DLC1: variants seen among roughly 807,000 people sequenced by gnomAD.
DLC1 encodes the protein rho GTPase-activating protein 7.
Under a neutral mutation model 140.3 loss-of-function variants are expected in DLC1, and 54 were observed. That is an observed-to-expected ratio of 0.38 (90% CI 0.31 to 0.48). The LOEUF (loss-of-function observed/expected upper bound fraction) is 0.48, where lower values mean the gene tolerates loss of function less well. Among genes scored for constraint, DLC1 ranks in the 20% least tolerant of loss-of-function variants. The pLI is 0.96. For synonymous variants in DLC1, 986 were observed against 728.1 expected, an observed-to-expected ratio of 1.35 and a Z score of -5.70; for missense variants, 2,536 against 1,907.0, an observed-to-expected ratio of 1.33 and a Z score of -6.14.
chr8:13,218,603 A>C (rs1001336620), intron 5 of DLC1, among the ~76,000 whole-genome samples: 1 of 151,808 alleles, frequency 6.6e-6, no homozygotes, highest in East Asian at 1.9e-4. Context: ...GACAGCTATC[A>C]TAATTTGAGA....
intron 2 of DLC1, among the ~76,000 whole-genome samples, chr8:13,447,813 A>T (rs1798851301): frequency 6.6e-6 from 1 of 151,978 alleles, no homozygotes; most frequent in Non-Finnish European, 1.5e-5. Context: ...TTCCTACCAG[A>T]TTAGCTAAAT....
At chr8:13,437,909 C>T (rs969041214) in intron 2 of DLC1, among the ~76,000 whole-genome samples, 2 of 151,452 alleles carry the variant, frequency 1.3e-5, no homozygotes, top group Non-Finnish European at 2.9e-5. Context: ...ACTAATGGGT[C>T]CCTGATTTGA....
chr8:13,162,401 C>T (rs1390730089), intron 5 of DLC1, among the ~76,000 whole-genome samples: 10 of 152,144 alleles, frequency 6.6e-5, no homozygotes, highest in East Asian at 1.9e-4. Context: ...CAACTCACTG[C>T]GTCCTCCGCC....
intron 5 of DLC1, among the ~76,000 whole-genome samples, chr8:13,142,989 G>C (rs1486294969): frequency 6.7e-6 from 1 of 150,090 alleles, no homozygotes; most frequent in African/African-American, 2.5e-5. Context: ...GTTGCGGTGA[G>C]CCAAGATTGT....
intron 2 of DLC1, among the ~76,000 whole-genome samples, chr8:13,451,728 A>T (rs561215652): frequency 1.3e-5 from 2 of 152,274 alleles, no homozygotes; most frequent in East Asian, 1.9e-4. Context: ...ATAGTACTCC[A>T]TTGTGTATAT....
intron 1 of DLC1, among the ~76,000 whole-genome samples, chr8:13,533,643 C>T (rs531702861): frequency 1.3e-5 from 2 of 152,142 alleles, no homozygotes; most frequent in Non-Finnish European, 2.9e-5. Context: ...TCATTTATTT[C>T]CAAACAAGAT....
intron 5 of DLC1, among the ~76,000 whole-genome samples, chr8:13,287,401 A>G (rs1831569938): frequency 1.3e-5 from 2 of 152,090 alleles, no homozygotes; most frequent in Non-Finnish European, 2.9e-5. Context: ...CTAATACTTT[A>G]TTTTCATTAT....
chr8:13,384,189 C>T (rs1270868223), intron 4 of DLC1, among the ~76,000 whole-genome samples: 8 of 152,180 alleles, frequency 5.3e-5, no homozygotes, highest in Non-Finnish European at 1.2e-4. Context: ...CTACAGATTG[C>T]ATATTTTCAT....
intron 5 of DLC1, among the ~76,000 whole-genome samples, chr8:13,155,362 A>T (rs1259519858): frequency 8.3e-6 from 1 of 120,338 alleles, no homozygotes; most frequent in East Asian, 2.8e-4. Flanking sequence ...CAAAAAGCAA[A>T]TGAAAAATAA....
chr8:13,090,473 G>T lies in DLC1; in HGVS notation c.3856-3C>A. 6.2e-7 allele frequency: 1 copy of T among 1,613,638 alleles called. No individual in the cohort carries two copies. The highest frequency in any genetic ancestry group is 8.5e-7 in the Non-Finnish European group (1 of 1,180,002). On this transcript the variant is annotated splice_region_variant and splice_polypyrimidine_tract_variant and intron_variant, in intron 14 of 17. Coordinates refer to ENST00000276297, the MANE Select transcript of DLC1 (RefSeq NM_182643.3). The stretch of plus-strand genomic sequence containing the variant: ...CATCGGCTCATTTCCTCGGGAACCT[G>T]TGCGGAACATGACAGACAGAAAGGA...
At chr8:13,269,549 C>T (rs1169556667) in intron 5 of DLC1, among the ~76,000 whole-genome samples, 3 of 151,722 alleles carry the variant, frequency 2.0e-5, no homozygotes, top group Non-Finnish European at 4.4e-5. Context: ...GACCCTACCT[C>T]TACAAAAATC....
intron 2 of DLC1, among the ~76,000 whole-genome samples, chr8:13,404,685 G>T (rs1386887413): frequency 6.6e-6 from 1 of 152,034 alleles, no homozygotes; most frequent in African/African-American, 2.4e-5. Flanking sequence ...ATTTTAGTAT[G>T]AATTGTAGAT....
At position 13,188,239 on chromosome 8, in the gene DLC1, GC is replaced by G. The variant is rs1826501116; in HGVS notation, c.1349-72583del. Among the ~76,000 whole-genome samples, 2 of 151,438 alleles carry G rather than the reference GC, an allele frequency of 1.3e-5. 1 individual carries two copies. Among genetic ancestry groups the G allele is most frequent in the South Asian group, 4.2e-4 (2 of 4,776 alleles). ...TGGGGTTACAGGTGCCGGCCACCATGCCCAGCTAATTTTTGTATTGTTAGTA... is the reference window on the plus strand; with the variant it reads ...TGGGGTTACAGGTGCCGGCCACCATGCCAGCTAATTTTTGTATTGTTAGTA... On this transcript the variant is annotated intron_variant, in intron 5 of 17. Transcript: ENST00000276297.
At position 13,100,092 on chromosome 8, in the gene DLC1, T is replaced by G; in HGVS notation, c.2245A>C (p.Thr749Pro). The G allele has an allele frequency of 6.2e-7, 1 of 1,613,812 alleles. No individual in the cohort carries two copies. Among genetic ancestry groups the G allele is most frequent in the Non-Finnish European group, 8.5e-7 (1 of 1,180,038 alleles). The stretch of plus-strand genomic sequence containing the variant: ...CTGGGCGTGCTGACCGCGCTGCTGG[T>G]CTCCGACTGGCTGCTGCTGCTGCTG... ...QTSSSSSQSETSSAVSTPSPV... is the reference protein window; with the variant it reads ...QTSSSSSQSEPSSAVSTPSPV... Residue 749 changes from threonine to proline, a missense_variant, in exon 9 of 18, where the codon ACC (threonine) becomes CCC (proline). Transcript: ENST00000276297.
intron 1 of DLC1, among the ~76,000 whole-genome samples, chr8:13,538,873 T>C (rs569079408): frequency 6.6e-6 from 1 of 152,320 alleles, no homozygotes; most frequent in African/African-American, 2.4e-5. Context: ...GTTCGGCAGA[T>C]AGTAATGTCG....
chr8:13,593,875 T>C (rs1043613549), intron 1 of DLC1, among the ~76,000 whole-genome samples: 4 of 152,074 alleles, frequency 2.6e-5, no homozygotes, highest in Admixed American at 2.0e-4. Context: ...GATGTATTGT[T>C]GAACATCAAG....
At chr8:13,380,781 G>C (rs1288582476) in intron 4 of DLC1, among the ~76,000 whole-genome samples, 2 of 152,322 alleles carry the variant, frequency 1.3e-5, no homozygotes, top group South Asian at 2.1e-4. Context: ...TAAGTAGTGA[G>C]ATAGACCAAG....
upstream of DLC1, among the ~76,000 whole-genome samples, chr8:13,519,086 C>A (rs559970626): frequency 2.0e-5 from 3 of 151,618 alleles, no homozygotes; most frequent in Non-Finnish European, 4.4e-5. Context: ...TGGTGTGCTG[C>A]CCCCATCAAC....
intron 5 of DLC1, among the ~76,000 whole-genome samples, chr8:13,208,594 T>G (rs538837996): frequency 6.6e-6 from 1 of 152,284 alleles, no homozygotes; most frequent in African/African-American, 2.4e-5. Flanking sequence ...TTATCGAACT[T>G]CTGCTTCCTT....
Sources: gnomAD v4.1 joint callset for allele counts (sites outside exome capture counted in the v4.1 genomes callset) on GRCh38, gnomAD v4.1.1 for gene constraint, MANE v1.5 for transcripts, NCBI Gene and HGNC (gene_info 2026-07-23, HGNC 2026-07-21) for gene names.